The following LGSN variants were observed in gnomAD, a reference collection of about 807,000 sequenced individuals.
LGSN encodes lengsin.
LGSN carries 21 observed loss-of-function variants against 19.5 expected under a neutral mutation model. The ratio of observed to expected loss-of-function variants is 1.07; its 90% CI spans 0.76 to 1.55. The LOEUF is 1.55. LGSN is among the 40% of genes most tolerant of loss of function. The probability of loss-of-function intolerance (pLI) is 0.00; values close to 1 mark genes in which losing one functional copy is unlikely to be tolerated. For missense variants in LGSN, 673 were observed against 608.5 expected (o/e 1.11, Z -1.12); for synonymous variants, 257 against 215.6 (o/e 1.19, Z -1.68).
chr6:63,470,255 G>C, the LGSN span, among the ~76,000 whole-genome samples: 1 of 151,740 alleles, frequency 6.6e-6, no homozygotes. Context: ...ATCACCTGAG[G>C]TCAGGAGTTC....
At chr6:63,351,421 G>A in the LGSN span, among the ~76,000 whole-genome samples, 33 of 148,362 alleles carry the variant, frequency 2.2e-4, no homozygotes, top group African/African-American at 8.0e-4. Context: ...GTGTGTGAGA[G>A]AGAGAGAGAG....
chr6:63,279,287 A>G lies in LGSN; in HGVS notation c.*734T>C, dbSNP rs892861653. The stretch of plus-strand genomic sequence containing the variant: ...TTTCTATCTATACTTTGTGTATTGA[A>G]CTTCTATATGAGGCATTGTTAAAAG... On this transcript the variant is annotated 3_prime_UTR_variant, in exon 4 of 4. Coordinates refer to ENST00000370657, the MANE Select transcript of LGSN (RefSeq NM_016571.3). The G allele has an allele frequency of 6.6e-6, 1 of 152,214 alleles. No homozygotes were observed. The highest frequency in any genetic ancestry group is 1.5e-5 in the Non-Finnish European group (1 of 68,040). 9.4% of individuals were successfully genotyped at this position (152,214 alleles called of 1,614,324 possible). A position where few individuals can be genotyped will look rare whatever the true frequency, so the allele number is the denominator to read the frequency against.
the LGSN span, among the ~76,000 whole-genome samples, chr6:63,502,207 T>TGGAAATACTTC: frequency 6.6e-6 from 1 of 152,212 alleles, no homozygotes; most frequent in African/African-American, 2.4e-5. Context: ...GGAAATACTT[T>TGGAAATACTTC]GGAAATACTT....
the LGSN span, among the ~76,000 whole-genome samples, chr6:63,427,119 C>T: frequency 6.6e-6 from 1 of 150,664 alleles, no homozygotes; most frequent in Non-Finnish European, 1.5e-5. Flanking sequence ...AATCTCGGCT[C>T]ACTGCAACCA....
chr6:63,417,617 CAT>C, the LGSN span, among the ~76,000 whole-genome samples: 2 of 152,190 alleles, frequency 1.3e-5, no homozygotes, highest in Admixed American at 1.3e-4. Context: ...TGGCTTAACA[CAT>C]ATAAACTGGT....
At chr6:63,308,402 G>C (rs533774461) in intron 1 of LGSN, among the ~76,000 whole-genome samples, 5 of 152,082 alleles carry the variant, frequency 3.3e-5, no homozygotes, top group Non-Finnish European at 7.4e-5. Flanking sequence ...TTTAATATAA[G>C]TTTATCATTT....
chr6:63,329,294 G>T, the LGSN span, among the ~76,000 whole-genome samples: 1 of 152,208 alleles, frequency 6.6e-6, no homozygotes, highest in Non-Finnish European at 1.5e-5. Flanking sequence ...CTGGGAGTCA[G>T]AGTGCAGGGG....
At chr6:63,557,248 G>C in the LGSN span, among the ~76,000 whole-genome samples, 14 of 152,262 alleles carry the variant, frequency 9.2e-5, no homozygotes, top group East Asian at 2.7e-3. Flanking sequence ...TGTTGATGAG[G>C]AAGTCAGGAA....
At chr6:63,433,174 G>C in the LGSN span, among the ~76,000 whole-genome samples, 1 of 151,780 alleles carries the variant, frequency 6.6e-6, no homozygotes, top group East Asian at 1.9e-4. Flanking sequence ...AGTTGGGGGG[G>C]TGGTAAATAA....
At chr6:63,361,701 C>A in the LGSN span, among the ~76,000 whole-genome samples, 5 of 152,084 alleles carry the variant, frequency 3.3e-5, no homozygotes, top group Admixed American at 1.3e-4. Context: ...GAGATGCAAC[C>A]GGTACCTCAG....
At chr6:63,537,138 G>C in the LGSN span, among the ~76,000 whole-genome samples, 1 of 152,170 alleles carries the variant, frequency 6.6e-6, no homozygotes, top group Non-Finnish European at 1.5e-5. Flanking sequence ...GAATGAATTA[G>C]AATAATGTTC....
At chr6:63,331,405 G>A in the LGSN span, among the ~76,000 whole-genome samples, 53 of 152,244 alleles carry the variant, frequency 3.5e-4, no homozygotes, top group Non-Finnish European at 6.3e-4. Context: ...GGGCCAAGCC[G>A]TAGTGCAGAA....
the LGSN span, among the ~76,000 whole-genome samples, chr6:63,492,457 C>CA: frequency 6.6e-6 from 1 of 152,230 alleles, no homozygotes; most frequent in African/African-American, 2.4e-5. Context: ...GACTTCACAA[C>CA]ACTTGTGCAC....
At chr6:63,327,222 C>A in the LGSN span, among the ~76,000 whole-genome samples, 1 of 152,114 alleles carries the variant, frequency 6.6e-6, no homozygotes, top group Admixed American at 6.5e-5. Flanking sequence ...TTTGGGGTTC[C>A]ATTTGTAAAA....
chr6:63,444,497 G>C, the LGSN span, among the ~76,000 whole-genome samples: 7 of 152,162 alleles, frequency 4.6e-5, no homozygotes, highest in African/African-American at 1.7e-4. Context: ...GATGTATTCT[G>C]TTTATTCAAA....
chr6:63,554,537 C>A, the LGSN span, among the ~76,000 whole-genome samples: 2 of 152,184 alleles, frequency 1.3e-5, no homozygotes, highest in Non-Finnish European at 2.9e-5. Context: ...GTGGCTCACA[C>A]CTGTAATCCC....
chr6:63,497,935 T>TTTTTTTTTTTTG, the LGSN span, among the ~76,000 whole-genome samples: 1 of 150,014 alleles, frequency 6.7e-6, no homozygotes, highest in Non-Finnish European at 1.5e-5. Flanking sequence ...TTTTTTTTCT[T>TTTTTTTTTTTTG]GAGACAGAGT....
At chr6:63,294,715 A>T (rs1273142353) in intron 2 of LGSN, among the ~76,000 whole-genome samples, 198 bp downstream of exon 2, 1 of 151,664 alleles carries the variant, frequency 6.6e-6, no homozygotes, top group Non-Finnish European at 1.5e-5. Context: ...TTACATTGTA[A>T]ATATTTTGAT....
chr6:63,286,749 C>T (rs930932988), intron 2 of LGSN, among the ~76,000 whole-genome samples: 3 of 152,242 alleles, frequency 2.0e-5, no homozygotes, highest in Non-Finnish European at 4.4e-5. Context: ...TAGCACAAAA[C>T]ACTGAAGTCC....
Sources: gnomAD v4.1 joint callset for allele counts (sites outside exome capture counted in the v4.1 genomes callset) on GRCh38, gnomAD v4.1.1 for gene constraint, MANE v1.5 for transcripts, NCBI Gene and HGNC (gene_info 2026-07-23, HGNC 2026-07-21) for gene names.